The following HECW1 variants were observed in gnomAD, a reference collection of about 807,000 sequenced individuals.
The protein encoded by HECW1 is E3 ubiquitin-protein ligase HECW1.
Under a neutral mutation model 182.3 loss-of-function variants are expected in HECW1, and 61 were observed. That is an observed-to-expected ratio of 0.33 (90% confidence interval 0.27 to 0.41). HECW1 has a LOEUF of 0.41. HECW1 is among the 10% of genes least tolerant of loss of function. The pLI is 1.00. For missense variants in HECW1, 1,739 were observed against 2,108.9 expected, an observed-to-expected ratio of 0.82 and a Z score of 3.44; for synonymous variants, 859 against 832.6, an observed-to-expected ratio of 1.03 and a Z score of -0.55.
Position 43,450,860 on chromosome 7 carries a change from G to T in HECW1, c.2431G>T (p.Val811Leu). ...ECPILHNSQPVSQLPSLRPEH... is the reference protein window; with the variant it reads ...ECPILHNSQPLSQLPSLRPEH... ...TCCTATACTCCATAATTCCCAGCCA[G>T]TAAGCCAGCTTCCTTCCCTGAGGCC... Residue 811 changes from valine (V) to leucine (L), a missense_variant, in exon 12 of 30, where the codon GTA (valine) becomes TTA (leucine). By Grantham distance (32) the Val-to-Leu change is conservative. This residue lies in a region of HECW1 where 971 missense variants were observed against 1,029.1 expected (regional missense o/e 0.94). Coordinates refer to ENST00000395891, the MANE Select transcript of HECW1 (RefSeq NM_015052.5). 1.9e-6 allele frequency: 3 copies of T among 1,612,996 alleles called. No individual in the cohort carries two copies. In the South Asian group the frequency reaches 3.3e-5, roughly 18 times the overall value.
intron 6 of HECW1, among the ~76,000 whole-genome samples, chr7:43,367,458 G>A (rs1190419049): frequency 6.6e-6 from 1 of 152,190 alleles, no homozygotes; most frequent in Non-Finnish European, 1.5e-5. Flanking sequence ...AAGTTATACA[G>A]TACAATATTC....
intron 5 of HECW1, among the ~76,000 whole-genome samples, chr7:43,358,818 C>CTTTTTTT (rs572118397): frequency 4.3e-5 from 4 of 93,442 alleles, no homozygotes; most frequent in Non-Finnish European, 4.2e-5. Flanking sequence ...AAAATATATT[C>CTTTTTTT]TTTTTTTTTT....
rs573603566 is a variant in HECW1, at chr7:43,166,843, A to G, written c.-32+52452A>G. ...TGAGGGTGGGGCCAGGGAGGGCAGC[A>G]CAGGCCCAGGCCATGGCTGGTCATG... On this transcript the variant is annotated intron_variant, in intron 2 of 29. Transcript: ENST00000395891. 1.5e-3 allele frequency among the ~76,000 whole-genome samples: 228 copies of G among 152,302 alleles called. 1 individual carries two copies. Among genetic ancestry groups the G allele is most frequent in the Non-Finnish European group, 2.3e-3 (158 of 68,028 alleles).
intron 2 of HECW1, among the ~76,000 whole-genome samples, chr7:43,146,420 A>G (rs1231027817): frequency 6.6e-6 from 1 of 152,200 alleles, no homozygotes; most frequent in Non-Finnish European, 1.5e-5. Context: ...GAACCACTAG[A>G]TTATATGTAT....
At chr7:43,382,203 G>A (rs950057973) in intron 6 of HECW1, among the ~76,000 whole-genome samples, 18 of 151,852 alleles carry the variant, frequency 1.2e-4, no homozygotes, top group African/African-American at 2.9e-4. Context: ...GGAGAATGGC[G>A]TGAACCCAGG....
intron 3 of HECW1, among the ~76,000 whole-genome samples, chr7:43,251,953 T>TG (rs979957291): frequency 8.5e-5 from 13 of 152,118 alleles, no homozygotes; most frequent in Non-Finnish European, 1.3e-4. Context: ...CCCAGTGCTC[T>TG]GGGGGGGTAC....
intron 8 of HECW1, among the ~76,000 whole-genome samples, chr7:43,409,870 C>G (rs1302810363): frequency 6.6e-6 from 1 of 152,230 alleles, no homozygotes; most frequent in Non-Finnish European, 1.5e-5. Flanking sequence ...CTCTGCAGAG[C>G]ATTCAAAGCC....
At chr7:43,502,472 T>C (rs1012656057) in intron 21 of HECW1, among the ~76,000 whole-genome samples, 2 of 152,250 alleles carry the variant, frequency 1.3e-5, no homozygotes, top group Non-Finnish European at 2.9e-5. Flanking sequence ...GCCTGGGCCA[T>C]ATAGTGAGAC....
chr7:43,500,488 C>T lies in HECW1; in HGVS notation c.3438-211C>T, dbSNP rs148758283. ...GACCTAACTTTGCTGTGTTCCTCAG[C>T]TTCTGTACCTGTGCAAGTCTGTAGA... On this transcript the variant is annotated intron_variant, in intron 19 of 29. Transcript: ENST00000395891. 3.6e-4 allele frequency among the ~76,000 whole-genome samples: 55 copies of T among 152,324 alleles called. 1 individual carries two copies. The East Asian group carries it at 9.3e-3, about 26-fold the overall frequency.
At chr7:43,345,460 G>A (rs1562865786) in intron 5 of HECW1, among the ~76,000 whole-genome samples, 5 of 151,596 alleles carry the variant, frequency 3.3e-5, no homozygotes, top group Admixed American at 1.3e-4. Flanking sequence ...ATAAGTTATT[G>A]GGGTACAAGT....
intron 13 of HECW1, 26 bp downstream of exon 13, chr7:43,456,473 C>T: frequency 1.3e-6 from 2 of 1,596,132 alleles, no homozygotes; most frequent in Non-Finnish European, 1.7e-6. Flanking sequence ...GCAATGAGCT[C>T]CCCTAAACCA....
intron 9 of HECW1, among the ~76,000 whole-genome samples, chr7:43,440,782 C>T (rs185649726): frequency 7.9e-5 from 12 of 152,290 alleles, no homozygotes; most frequent in Middle Eastern, 3.4e-3. Context: ...AGACAAAATA[C>T]TGAAGCTCAT....
At position 43,312,026 on chromosome 7, in the gene HECW1, C is replaced by T. The variant is rs1368904676; in HGVS notation, c.291C>T (p.Val97=). 6.2e-7 allele frequency: 1 copy of T among 1,614,122 alleles called. No homozygotes were observed. The highest frequency in any genetic ancestry group is 1.3e-5 in the African/African-American group (1 of 74,936). The change falls in exon 4 of 30, where the codon GTC becomes GTT. Residue 97 remains valine (V), a synonymous_variant. Transcript: ENST00000395891. ...YYSIGHSQDL[V]IHWDIKEEVD... ...CCATCGGGCACTCTCAGGACCTGGT[C>T]ATCCACTGGGACATAAAGGAGGAAG...
Position 43,274,628 on chromosome 7 carries a change from G to A in HECW1, c.27+30696G>A, listed in dbSNP as rs1373796497. 1.9e-5 allele frequency: 7 copies of A among 365,398 alleles called. No homozygotes were observed. In the East Asian group the frequency reaches 2.4e-4, roughly 12 times the overall value. The allele number at this position is 365,398 out of a possible 1,614,324, so 22.6% of individuals were successfully genotyped here. A position where few individuals can be genotyped will look rare whatever the true frequency, so the allele number is the denominator to read the frequency against. The stretch of plus-strand genomic sequence containing the variant: ...GTGTGCCCCAAATAAACTCAGGAAC[G>A]CCCCGGGGGAGGGAGGGAGAGAGAG... On this transcript the variant is annotated intron_variant, in intron 3 of 29. Coordinates refer to ENST00000395891, the MANE Select transcript of HECW1 (RefSeq NM_015052.5).
chr7:43,224,957 T>C (rs1352150912), intron 2 of HECW1, among the ~76,000 whole-genome samples: 2 of 152,198 alleles, frequency 1.3e-5, no homozygotes, highest in Non-Finnish European at 2.9e-5. Context: ...TCAGGCTGTT[T>C]GCTGTGCTGG....
At chr7:43,116,659 A>G (rs1562757779) in intron 2 of HECW1, among the ~76,000 whole-genome samples, 1 of 152,210 alleles carries the variant, frequency 6.6e-6, no homozygotes, top group Non-Finnish European at 1.5e-5. Context: ...ATCCTAAAAA[A>G]CAGGACAAGC....
At chr7:43,473,771 T>C (rs551881836) in intron 16 of HECW1, among the ~76,000 whole-genome samples, 1 of 152,310 alleles carries the variant, frequency 6.6e-6, no homozygotes, top group African/African-American at 2.4e-5. Context: ...AGGCAACTGT[T>C]TGTACCATTT....
intron 6 of HECW1, among the ~76,000 whole-genome samples, chr7:43,388,253 T>C (rs1322976841): frequency 6.6e-6 from 1 of 152,222 alleles, no homozygotes; most frequent in African/African-American, 2.4e-5. Flanking sequence ...ATTATTTATC[T>C]CTTTGTAAAG....
At chr7:43,488,376 AAGG>A (rs1563044955) in intron 17 of HECW1, among the ~76,000 whole-genome samples, 72 of 115,726 alleles carry the variant, frequency 6.2e-4, no homozygotes, top group African/African-American at 1.1e-3. Context: ...GGAAGGAAGG[AAGG>A]AAGGAAGGAA....
Sources: gnomAD v4.1 joint callset for allele counts (sites outside exome capture counted in the v4.1 genomes callset) on GRCh38, gnomAD v4.1.1 for gene constraint, gnomAD v4.1.1 regional missense constraint, MANE v1.5 for transcripts, NCBI Gene and HGNC (gene_info 2026-07-23, HGNC 2026-07-21) for gene names.